RGS7: variants seen among roughly 807,000 people sequenced by gnomAD.
The protein encoded by RGS7 is regulator of G-protein signaling 7.
Under a neutral mutation model 81.1 loss-of-function variants are expected in RGS7, and 27 were observed. The observed-to-expected ratio is 0.33, with a 90% CI of 0.25 to 0.46. The LOEUF (loss-of-function observed/expected upper bound fraction) is 0.46, where lower values mean the gene tolerates loss of function less well. RGS7 is among the 20% of genes least tolerant of loss of function. The probability of loss-of-function intolerance (pLI) is 1.00; values close to 1 mark genes in which losing one functional copy is unlikely to be tolerated. For missense variants in RGS7, 396 were observed against 607.4 expected, an observed-to-expected ratio of 0.65 and a Z score of 3.66; for synonymous variants, 208 against 207.7, an observed-to-expected ratio of 1.00 and a Z score of -0.01.
At chr1:240,894,427 T>C (rs1668721572) in intron 6 of RGS7, among the ~76,000 whole-genome samples, 1 of 152,158 alleles carries the variant, frequency 6.6e-6, no homozygotes, top group South Asian at 2.1e-4. Context: ...TCATGTGTTC[T>C]CTTCTGGGTC....
At chr1:241,115,631 C>G (rs1180231251) in intron 2 of RGS7, among the ~76,000 whole-genome samples, 2 of 152,098 alleles carry the variant, frequency 1.3e-5, no homozygotes, top group East Asian at 3.9e-4. Flanking sequence ...TCTTGCCAAC[C>G]CTGGTCCCTT....
At chr1:241,336,872 G>C (rs532347023) in intron 2 of RGS7, among the ~76,000 whole-genome samples, 16 of 152,168 alleles carry the variant, frequency 1.1e-4, no homozygotes, top group Non-Finnish European at 2.2e-4. Context: ...TGAAGATAAA[G>C]AGGCTCAGAG....
chr1:241,201,405 G>A lies in RGS7; in HGVS notation c.79-102643C>T, dbSNP rs144298811. Among the ~76,000 whole-genome samples the A allele has an allele frequency of 1.1e-3, 168 of 152,168 alleles. No homozygotes were observed. In the East Asian group the frequency reaches 0.012, roughly 11 times the overall value. ...CCTTGGCCTGTCAACCTAAAAGGAC[G>A]GTTCCTTTCCAGAACCATCCACCAT... On this transcript the variant is annotated intron_variant, in intron 2 of 18. Coordinates refer to ENST00000440928, the MANE Select transcript of RGS7 (RefSeq NM_001364886.1).
chr1:240,806,945 C>T lies in RGS7; in HGVS notation c.1083-619G>A, dbSNP rs552738877. Among the ~76,000 whole-genome samples the T allele has an allele frequency of 1.3e-3, 197 of 152,196 alleles. 2 individuals are homozygous for T. The Middle Eastern group carries it at 0.017, about 13-fold the overall frequency. ...TGGCTGGAAAAATAAAAACAATTAA[C>T]TAATGTTAAGGTAATTTAATTGAGA... On this transcript the variant is annotated intron_variant, in intron 14 of 18. Coordinates refer to ENST00000440928, the MANE Select transcript of RGS7 (RefSeq NM_001364886.1).
intron 4 of RGS7, among the ~76,000 whole-genome samples, chr1:240,957,673 T>C (rs557952017): frequency 1.1e-3 from 161 of 152,338 alleles, no homozygotes; most frequent in African/African-American, 3.7e-3. Flanking sequence ...ATTAACTGAC[T>C]TAGCTAATAT....
At chr1:240,891,919 G>A (rs991396823) in intron 6 of RGS7, among the ~76,000 whole-genome samples, 9 of 152,160 alleles carry the variant, frequency 5.9e-5, no homozygotes, top group Non-Finnish European at 7.3e-5. Flanking sequence ...AAGGGTTGGC[G>A]AAAGTTTTCA....
chr1:241,343,028 A>C (rs1289759111), intron 2 of RGS7, among the ~76,000 whole-genome samples: 1 of 152,088 alleles, frequency 6.6e-6, no homozygotes, highest in Admixed American at 6.6e-5. Context: ...TTTCGGAGGC[A>C]GAGGCAGGAG....
At chr1:241,131,291 A>C (rs547392754) in intron 2 of RGS7, among the ~76,000 whole-genome samples, 1 of 152,228 alleles carries the variant, frequency 6.6e-6, no homozygotes, top group African/African-American at 2.4e-5. Context: ...CATTTACTTG[A>C]ATCTAATCAT....
At chr1:240,905,351 G>A (rs1037795432) in intron 6 of RGS7, among the ~76,000 whole-genome samples, 2 of 152,146 alleles carry the variant, frequency 1.3e-5, no homozygotes, top group African/African-American at 4.8e-5. Context: ...CAAAGATTTT[G>A]CAATATCTTC....
intron 2 of RGS7, among the ~76,000 whole-genome samples, chr1:241,157,028 G>A (rs1185758145): frequency 1.3e-5 from 2 of 151,832 alleles, no homozygotes; most frequent in Non-Finnish European, 2.9e-5. Flanking sequence ...ATGTGTGAGT[G>A]TACATATATG....
intron 3 of RGS7, among the ~76,000 whole-genome samples, chr1:241,009,015 G>C (rs1233078419): frequency 6.6e-6 from 1 of 150,478 alleles, no homozygotes; most frequent in African/African-American, 2.4e-5. Context: ...TCTGATTATA[G>C]ATTGGCCTTT....
chr1:240,930,563 A>G (rs1675264808), intron 6 of RGS7, among the ~76,000 whole-genome samples, 154 bp downstream of exon 6: 1 of 152,150 alleles, frequency 6.6e-6, no homozygotes, highest in Non-Finnish European at 1.5e-5. Context: ...TGACTTTCCA[A>G]ACAAAGCCGC....
At chr1:241,167,765 G>A (rs927075307) in intron 2 of RGS7, among the ~76,000 whole-genome samples, 5 of 151,998 alleles carry the variant, frequency 3.3e-5, no homozygotes, top group African/African-American at 4.8e-5. Context: ...TGATCCTCCC[G>A]CCTCAGCCTC....
chr1:240,911,045 C>G (rs184201876), intron 6 of RGS7, among the ~76,000 whole-genome samples: 103 of 152,200 alleles, frequency 6.8e-4, no homozygotes, highest in Middle Eastern at 3.4e-3. Flanking sequence ...TAGTTCATTC[C>G]TACTATATTC....
intron 3 of RGS7, among the ~76,000 whole-genome samples, chr1:240,996,508 C>T (rs906484083): frequency 2.0e-5 from 3 of 152,202 alleles, no homozygotes; most frequent in African/African-American, 4.8e-5. Context: ...TTTAAGTTTG[C>T]TACGTCTTCT....
Position 241,271,989 on chromosome 1 carries a change from T to C in RGS7, c.78+83710A>G, listed in dbSNP as rs1168044023. ...ACCCTGACTACTAGAATTTCTTTTT[T>C]TTTTTTTTTATTTTTATTTTTTGAG... is the stretch of plus-strand genomic sequence containing the variant. On this transcript the variant is annotated intron_variant, in intron 2 of 18. Transcript: ENST00000440928. This position sits in a 1 kb window ranked among gnomAD's most constrained non-coding sequence, Gnocchi z 4.6. Among the ~76,000 whole-genome samples, 5 of 142,346 alleles carry C rather than the reference T, an allele frequency of 3.5e-5. No individual in the cohort carries two copies. The highest frequency in any genetic ancestry group is 2.9e-4 in the Admixed American group (4 of 13,972). 93.4% of individuals were successfully genotyped at this position (142,346 alleles called of 152,430 possible). A position where few individuals can be genotyped will look rare whatever the true frequency, so the allele number is the denominator to read the frequency against.
intron 3 of RGS7, among the ~76,000 whole-genome samples, chr1:241,084,067 A>G (rs2063299734): frequency 6.6e-6 from 1 of 152,214 alleles, no homozygotes. Context: ...GTTGTTCTCA[A>G]AAACAATTAA....
At chr1:241,275,032 C>G (rs931689937) in intron 2 of RGS7, among the ~76,000 whole-genome samples, 1 of 152,174 alleles carries the variant, frequency 6.6e-6, no homozygotes, top group Non-Finnish European at 1.5e-5. Context: ...AAATGAGGAA[C>G]AGGGTCAGAA....
intron 15 of RGS7, among the ~76,000 whole-genome samples, 159 bp downstream of exon 15, chr1:240,805,981 G>A (rs761639584): frequency 6.6e-6 from 1 of 152,094 alleles, no homozygotes; most frequent in Non-Finnish European, 1.5e-5. Context: ...TCAGTTTAAT[G>A]TGTCTTTGTT....
Sources: allele counts gnomAD v4.1 joint callset (sites outside exome capture counted in the v4.1 genomes callset), GRCh38; gene constraint gnomAD v4.1.1; non-coding constraint Gnocchi (gnomAD v3.1); transcripts MANE v1.5; gene names NCBI Gene and HGNC (gene_info 2026-07-23, HGNC 2026-07-21).